RMDN3: variants seen among roughly 807,000 people sequenced by gnomAD.
RMDN3 encodes regulator of microtubule dynamics 3, also known as regulator of microtubule dynamics protein 3.
In RMDN3, 41 loss-of-function variants were observed where a neutral mutation model predicts 61.8. That is an observed-to-expected ratio of 0.66 (90% CI 0.52 to 0.86). RMDN3 has a LOEUF of 0.86. RMDN3 is among the 40% of genes least tolerant of loss of function. The probability of loss-of-function intolerance (pLI) is 0.00; values close to 1 mark genes in which losing one functional copy is unlikely to be tolerated. For synonymous variants in RMDN3, 247 were observed against 232.0 expected, an observed-to-expected ratio of 1.06 and a Z score of -0.59; for missense variants, 557 against 585.3, an observed-to-expected ratio of 0.95 and a Z score of 0.50.
Position 40,740,138 on chromosome 15 carries a change from G to T in RMDN3, c.966C>A (p.His322Gln), listed in dbSNP as rs761181884. The T allele has an allele frequency of 6.2e-7, 1 of 1,606,724 alleles. No homozygotes were observed. The highest frequency in any genetic ancestry group is 1.7e-5 in the Admixed American group (1 of 59,874). ...ACACTGCAGGGTGTTATTACCACAG[G>T]TGACAGTCAGCACTCTCATCCCCCT... ...LEKGDESADC[H>Q]LWYAVLCGQL... The change falls in exon 7 of 13, where the codon CAC becomes CAA. Residue 322 changes from histidine to glutamine, a missense_variant. Physicochemically the swap from His to Gln is conservative, Grantham distance 24. Coordinates refer to ENST00000338376, the MANE Select transcript of RMDN3 (RefSeq NM_018145.3).
At chr15:40,741,754 G>T (rs973685243) in intron 6 of RMDN3, among the ~76,000 whole-genome samples, 3 of 148,274 alleles carry the variant, frequency 2.0e-5, no homozygotes, top group African/African-American at 7.5e-5. Context: ...TCAGCCTCCC[G>T]AGTAGCTGGG....
In RMDN3 at chr15:40,744,105, G is replaced by A. The variant is rs772717365; in HGVS notation, c.852C>T (p.Tyr284=). Residue 284 remains tyrosine, a synonymous_variant, in exon 6 of 13, where the codon TAC becomes TAT. Transcript: ENST00000338376. ...CCTCAGTGAGCTCACACATGTCACT[G>A]TAGGCTCGGGCCAGGCGCCAGAGAA... ...QDFLWRLARA[Y]SDMCELTEEV... 2 of 1,613,634 alleles carry A rather than the reference G, an allele frequency of 1.2e-6. No individual in the cohort carries two copies. Among genetic ancestry groups the A allele is most frequent in the East Asian group, 2.2e-5 (1 of 44,888 alleles).
At chr15:40,746,028 C>T (rs1473151134) in intron 4 of RMDN3, among the ~76,000 whole-genome samples, 1 of 152,176 alleles carries the variant, frequency 6.6e-6, no homozygotes, top group Non-Finnish European at 1.5e-5. Context: ...TGCAAACTAC[C>T]CCCTGAAAAG....
intron 2 of RMDN3, among the ~76,000 whole-genome samples, chr15:40,752,920 C>G (rs1256588896): frequency 6.6e-6 from 1 of 152,202 alleles, no homozygotes; most frequent in Non-Finnish European, 1.5e-5. Context: ...TAAAGGAAAT[C>G]TGGTAAAAAA....
At chr15:40,751,721 G>A in intron 3 of RMDN3, 152 bp from the exon 4 acceptor site, 1 of 1,188,816 alleles carries the variant, frequency 8.4e-7, no homozygotes, top group Non-Finnish European at 1.2e-6. Context: ...GGCAAGCAGG[G>A]CAGCTTCCTG....
chr15:40,736,956 C>T (rs968790597), intron 12 of RMDN3, among the ~76,000 whole-genome samples, 168 bp downstream of exon 12: 6 of 152,180 alleles, frequency 3.9e-5, no homozygotes, highest in South Asian at 4.1e-4. Flanking sequence ...CGGATTCAAG[C>T]GATTCTCCAG....
Position 40,751,097 on chromosome 15 carries a change from G to C in RMDN3, c.524+329C>G, listed in dbSNP as rs550911920. Among the ~76,000 whole-genome samples the C allele has an allele frequency of 5.9e-5, 9 of 152,288 alleles. No individual in the cohort carries two copies. The East Asian group carries it at 1.7e-3, about 29-fold the overall frequency. ...GCATGCTTCGTGCTTAGACATCTCC[G>C]TATACCAGCTCAGCCACCCAAGGAA... On this transcript the variant is annotated intron_variant, in intron 4 of 12. Coordinates refer to ENST00000338376, the MANE Select transcript of RMDN3 (RefSeq NM_018145.3).
chr15:40,752,150 C>T lies in RMDN3; in HGVS notation c.216G>A (p.Gly72=), dbSNP rs373934020. 1.9e-6 allele frequency: 3 copies of T among 1,614,142 alleles called. No individual in the cohort carries two copies. Among genetic ancestry groups the T allele is most frequent in the Non-Finnish European group, 2.5e-6 (3 of 1,179,998 alleles). The change falls in exon 3 of 13, where the codon GGG becomes GGA. Residue 72 remains glycine, a synonymous_variant. Transcript: ENST00000338376. ...HVMLLRAVPG[G]AGDASVLPSL... ...TGGGCAGCACTGAGGCATCTCCAGC[C>T]CCACCTGGGACAGCCCGCAGGAGCA... is the stretch of plus-strand genomic sequence containing the variant.
chr15:40,748,293 C>G (rs1382021254), intron 4 of RMDN3, among the ~76,000 whole-genome samples: 3 of 152,212 alleles, frequency 2.0e-5, no homozygotes, highest in East Asian at 1.9e-4. Context: ...AGAGCTCCCC[C>G]CTTGACCTAC....
intron 6 of RMDN3, among the ~76,000 whole-genome samples, 196 bp downstream of exon 6, chr15:40,743,851 T>C (rs1460745512): frequency 6.6e-6 from 1 of 152,212 alleles, no homozygotes; most frequent in African/African-American, 2.4e-5. Context: ...CAGCATGATA[T>C]ACAGATAAGC....
At chr15:40,740,953 C>T (rs1042333374) in intron 6 of RMDN3, among the ~76,000 whole-genome samples, 2 of 150,988 alleles carry the variant, frequency 1.3e-5, no homozygotes, top group Non-Finnish European at 2.9e-5. Flanking sequence ...GGCATGTTGG[C>T]ACATCCTGTA....
chr15:40,752,254 G>A, intron 2 of RMDN3, 76 bp from the exon 3 acceptor site: 2 of 1,424,974 alleles, frequency 1.4e-6, no homozygotes, highest in South Asian at 2.6e-5. Flanking sequence ...CAGAATTCAA[G>A]AATACCTGCT....
chr15:40,754,674 C>G lies in RMDN3; in HGVS notation c.110G>C (p.Arg37Pro), dbSNP rs898202068. Residue 37 changes from arginine to proline, a missense_variant, in exon 2 of 13, where the codon CGG becomes CCG. By Grantham distance (103) the Arg-to-Pro change is moderately radical. Coordinates refer to ENST00000338376, the MANE Select transcript of RMDN3 (RefSeq NM_018145.3). ...LCLLYSQRWK[R>P]TQRHGRSQSL... ...CTGGCTGCGGCCATGACGCTGGGTC[C>G]GTTTCCATCGCTGGCTGTAAAGGAG... The G allele has an allele frequency of 2.5e-5, 40 of 1,614,042 alleles. No homozygotes were observed. Among genetic ancestry groups the G allele is most frequent in the Non-Finnish European group, 3.3e-5 (39 of 1,180,022 alleles).
chr15:40,742,839 C>T (rs1897336279), intron 6 of RMDN3, among the ~76,000 whole-genome samples: 1 of 152,078 alleles, frequency 6.6e-6, no homozygotes, highest in Non-Finnish European at 1.5e-5. Flanking sequence ...ATGAAGAGTC[C>T]AAAAATCAGC....
intron 12 of RMDN3, 91 bp from the exon 13 acceptor site, chr15:40,736,685 C>G: frequency 9.1e-7 from 1 of 1,094,742 alleles, no homozygotes; most frequent in Non-Finnish European, 1.4e-6. Context: ...CCTTTGCTTC[C>G]TTCCTGAGCT....
intron 4 of RMDN3, 117 bp downstream of exon 4, chr15:40,751,309 A>G (rs1464440151): frequency 7.8e-7 from 1 of 1,282,716 alleles, no homozygotes; most frequent in African/African-American, 1.5e-5. Context: ...TATTTATTAT[A>G]CTCTTACCTG....
chr15:40,744,400 T>C, intron 5 of RMDN3: 1 of 403,822 alleles, frequency 2.5e-6, no homozygotes, highest in South Asian at 2.9e-5. Context: ...CTCCTAGAAC[T>C]GCTGGGAGGA....
In RMDN3 at chr15:40,749,783, GCATCTCTTGGCCCAGAGC is replaced by G. The variant is rs1897735552; in HGVS notation, c.524+1625_524+1642del. On this transcript the variant is annotated intron_variant, in intron 4 of 12. Transcript: ENST00000338376. ...CCCCTCTTTAACACAACTTCTGGAA[GCATCTCTTGGCCCAGAGC>G]CATTTAGGTAAATTGAATAGAAAAG... Among the ~76,000 whole-genome samples, 5 of 152,150 alleles carry G rather than the reference GCATCTCTTGGCCCAGAGC, an allele frequency of 3.3e-5. No homozygotes were observed. In the South Asian group the frequency reaches 1.0e-3, roughly 31 times the overall value.
intron 6 of RMDN3, among the ~76,000 whole-genome samples, chr15:40,741,597 T>C (rs1337459864): frequency 7.0e-6 from 1 of 143,570 alleles, no homozygotes. Context: ...GCCTATGCAC[T>C]GGAGAAGACA....
Sources: allele counts gnomAD v4.1 joint callset (sites outside exome capture counted in the v4.1 genomes callset), GRCh38; gene constraint gnomAD v4.1.1; transcripts MANE v1.5; gene names NCBI Gene and HGNC (gene_info 2026-07-23, HGNC 2026-07-21).